The following GPC6 variants were observed in gnomAD, a reference collection of about 807,000 sequenced individuals.
GPC6 encodes the protein glypican-6.
In GPC6, 14 loss-of-function variants were observed where a neutral mutation model predicts 55.2. The observed-to-expected ratio is 0.25, with a 90% CI of 0.17 to 0.40. The LOEUF is 0.40. GPC6 is among the 10% of genes least tolerant of loss of function. GPC6 has a pLI of 1.00. For synonymous variants in GPC6, 278 were observed against 259.6 expected (o/e 1.07, Z -0.68); for missense variants, 641 against 708.5 (o/e 0.90, Z 1.08).
chr13:93,713,653 C>T (rs1166065781), intron 2 of GPC6, among the ~76,000 whole-genome samples: 1 of 151,558 alleles, frequency 6.6e-6, no homozygotes, highest in Non-Finnish European at 1.5e-5. Flanking sequence ...GAGAATCATT[C>T]TGGAATTGAT....
intron 1 of GPC6, among the ~76,000 whole-genome samples, chr13:93,462,132 G>A (rs1375050813): frequency 1.3e-5 from 2 of 152,188 alleles, no homozygotes; most frequent in African/African-American, 4.8e-5. Context: ...GCTTTCAGGA[G>A]TTGTGACATA....
At chr13:94,065,884 A>G (rs752413843) in intron 4 of GPC6, among the ~76,000 whole-genome samples, 7 of 152,340 alleles carry the variant, frequency 4.6e-5, no homozygotes, top group Middle Eastern at 3.4e-3. Context: ...TAGGCTGAGT[A>G]TCCTTCAGTC....
intron 1 of GPC6, among the ~76,000 whole-genome samples, chr13:93,510,950 A>AAT (rs148310932): frequency 5.7e-3 from 163 of 28,392 alleles, no homozygotes; most frequent in African/African-American, 8.5e-3. Flanking sequence ...TCTTTTGAGA[A>AAT]ATATATATAT....
At chr13:93,365,150 G>T (rs1230938612) in intron 1 of GPC6, among the ~76,000 whole-genome samples, 2 of 152,084 alleles carry the variant, frequency 1.3e-5, no homozygotes, top group Non-Finnish European at 2.9e-5. Context: ...TTGACTGGCT[G>T]ATGCGTTCCC....
Position 94,014,899 on chromosome 13 carries a change from G to T in GPC6, c.712-12830G>T, listed in dbSNP as rs929591621. On this transcript the variant is annotated intron_variant, in intron 3 of 8. Transcript: ENST00000377047. ...CCTTTTAATTGGTGAATAATATTTT[G>T]CTGTACAGATATACCACATTCTGTT... Among the ~76,000 whole-genome samples the T allele has an allele frequency of 6.6e-5, 10 of 152,276 alleles. No homozygotes were observed. The South Asian group carries it at 1.2e-3, about 19-fold the overall frequency.
intron 3 of GPC6, among the ~76,000 whole-genome samples, chr13:93,901,548 G>A (rs190640038): frequency 2.4e-4 from 37 of 152,062 alleles, no homozygotes; most frequent in Admixed American, 1.4e-3. Context: ...TGAATCAACT[G>A]GATGAAAACT....
At chr13:93,450,132 A>G (rs904961910) in intron 1 of GPC6, among the ~76,000 whole-genome samples, 4 of 152,020 alleles carry the variant, frequency 2.6e-5, no homozygotes, top group Non-Finnish European at 5.9e-5. Context: ...TATTTGTTTT[A>G]TCCACCACTG....
intron 6 of GPC6, among the ~76,000 whole-genome samples, chr13:94,361,833 T>G (rs1594205991): frequency 6.6e-6 from 1 of 152,240 alleles, no homozygotes; most frequent in East Asian, 1.9e-4. Flanking sequence ...GGAAAGGTGG[T>G]TTCTAATGTT....
intron 6 of GPC6, among the ~76,000 whole-genome samples, chr13:94,339,333 G>T (rs147856753): frequency 4.1e-4 from 62 of 152,196 alleles, no homozygotes; most frequent in African/African-American, 1.3e-3. Flanking sequence ...CAAAGTGCTG[G>T]GATTACAGGC....
At chr13:93,923,430 G>A (rs1373691897) in intron 3 of GPC6, among the ~76,000 whole-genome samples, 1 of 151,806 alleles carries the variant, frequency 6.6e-6, no homozygotes, top group Non-Finnish European at 1.5e-5. Context: ...CAATCTTACA[G>A]GTCACCAAAA....
At chr13:93,642,873 G>C (rs1207466708) in intron 2 of GPC6, among the ~76,000 whole-genome samples, 1 of 152,076 alleles carries the variant, frequency 6.6e-6, no homozygotes, top group Non-Finnish European at 1.5e-5. Flanking sequence ...GCTTCAGTAT[G>C]TTATGAAGAA....
chr13:93,985,078 C>T (rs918195125), intron 3 of GPC6, among the ~76,000 whole-genome samples: 2 of 152,242 alleles, frequency 1.3e-5, no homozygotes, highest in East Asian at 3.9e-4. Context: ...TGTAATGTGA[C>T]TACCTATGGG....
At chr13:93,856,687 A>C (rs995391858) in intron 3 of GPC6, among the ~76,000 whole-genome samples, 8 of 151,622 alleles carry the variant, frequency 5.3e-5, no homozygotes, top group African/African-American at 1.9e-4. Flanking sequence ...TGTGTAGAAC[A>C]TCATTCTATG....
intron 3 of GPC6, among the ~76,000 whole-genome samples, chr13:94,027,202 G>A (rs1882933088): frequency 6.6e-6 from 1 of 152,120 alleles, no homozygotes; most frequent in Admixed American, 6.5e-5. Flanking sequence ...TTCCAGAAGT[G>A]CAAAAGCTGC....
intron 4 of GPC6, among the ~76,000 whole-genome samples, chr13:94,224,329 A>T (rs916325954): frequency 6.6e-6 from 1 of 150,614 alleles, no homozygotes; most frequent in Non-Finnish European, 1.5e-5. Flanking sequence ...AATAGAATTT[A>T]AAATAAAAAT....
At chr13:94,333,790 C>T (rs931584280) in intron 6 of GPC6, among the ~76,000 whole-genome samples, 5 of 152,184 alleles carry the variant, frequency 3.3e-5, no homozygotes, top group Non-Finnish European at 5.9e-5. Context: ...TCCCTTTCCA[C>T]TGCAACAGGC....
At chr13:93,637,755 C>T (rs3848066) in intron 2 of GPC6, among the ~76,000 whole-genome samples, 70,126 of 151,894 alleles carry the variant, frequency 0.46, 18,347 homozygotes, top group Middle Eastern at 0.63. Flanking sequence ...TGCTAAAAAT[C>T]AACACATATT....
chr13:93,722,548 A>G (rs371870057), intron 2 of GPC6, among the ~76,000 whole-genome samples: 1 of 151,826 alleles, frequency 6.6e-6, no homozygotes, highest in East Asian at 1.9e-4. Context: ...AAGAGTCCCC[A>G]TATGGCTGGC....
At chr13:93,499,380 A>G (rs974238539) in intron 1 of GPC6, among the ~76,000 whole-genome samples, 1 of 152,194 alleles carries the variant, frequency 6.6e-6, no homozygotes, top group Non-Finnish European at 1.5e-5. Flanking sequence ...AGACATTTAG[A>G]CACTTGAACA....
Sources: allele counts gnomAD v4.1 joint callset (sites outside exome capture counted in the v4.1 genomes callset), GRCh38; gene constraint gnomAD v4.1.1; transcripts MANE v1.5; gene names NCBI Gene and HGNC (gene_info 2026-07-23, HGNC 2026-07-21).